PLXNA1: variants seen among roughly 807,000 people sequenced by gnomAD.
PLXNA1 encodes the protein plexin A1, also known as plexin-A1.
PLXNA1 carries 77 observed loss-of-function variants against 191.7 expected under a neutral mutation model. That is an observed-to-expected ratio of 0.40 (90% CI 0.33 to 0.49). The LOEUF (loss-of-function observed/expected upper bound fraction) is 0.49. Ranked by LOEUF, PLXNA1 falls within the 20% of genes least tolerant of loss-of-function variation. The pLI is 0.63. For synonymous variants in PLXNA1, 1,137 were observed against 1,156.4 expected (o/e 0.98, Z 0.34); for missense variants, 2,110 against 2,660.2 (o/e 0.79, Z 4.55).
chr3:126,996,591 G>C (rs1476107229), intron 3 of PLXNA1, among the ~76,000 whole-genome samples: 2 of 152,132 alleles, frequency 1.3e-5, no homozygotes, highest in South Asian at 2.1e-4. Context: ...GCTGGAGCTG[G>C]GGGGGCAAGA....
intron 1 of PLXNA1, among the ~76,000 whole-genome samples, chr3:126,984,248 A>G (rs1046990540): frequency 5.3e-5 from 8 of 152,122 alleles, no homozygotes; most frequent in Non-Finnish European, 1.0e-4. Flanking sequence ...GATCTGCCCC[A>G]GGCTCCTGTG....
At position 127,007,867 on chromosome 3, in the gene PLXNA1, A is replaced by G. The variant is rs758531850; in HGVS notation, c.2066A>G (p.Asn689Ser). 3 of 1,612,382 alleles carry G rather than the reference A, an allele frequency of 1.9e-6. No individual in the cohort carries two copies. Among genetic ancestry groups the G allele is most frequent in the Admixed American group, 1.7e-5 (1 of 59,916 alleles). The change falls in exon 9 of 32, where the codon AAC becomes AGC. Residue 689 changes from asparagine (N) to serine (S), a missense_variant. This residue lies in a region of PLXNA1 where 903 missense variants were observed against 1,015.7 expected (regional missense o/e 0.89). Transcript: ENST00000393409. Reference sequence around the variant, plus strand: ...AAATACCGCCACGTGTGCACACACAACGTGGCTGACTGCGCCTTCCTGGAG... The same window carrying G: ...AAATACCGCCACGTGTGCACACACAGCGTGGCTGACTGCGCCTTCCTGGAG... The part of the protein sequence containing the change: ...WCKYRHVCTH[N>S]VADCAFLEGR...
intron 22 of PLXNA1, 48 bp downstream of exon 22, chr3:127,022,389 A>G: frequency 6.3e-7 from 1 of 1,584,168 alleles, no homozygotes; most frequent in South Asian, 1.1e-5. Context: ...CCATGCCTCC[A>G]GCTTTGGACA....
At position 127,001,519 on chromosome 3, in the gene PLXNA1, G is replaced by A. The variant is rs574006688; in HGVS notation, c.1378-1811G>A. ...GGCTTCACAGCGGGAAGCCGCTGGG[G>A]ATATCCACAGGACTGTGAGGATGGA... On this transcript the variant is annotated intron_variant, in intron 3 of 31. Coordinates refer to ENST00000393409, the MANE Select transcript of PLXNA1 (RefSeq NM_032242.4). Among the ~76,000 whole-genome samples the A allele has an allele frequency of 7.2e-5, 11 of 152,342 alleles. 1 individual carries two copies. The South Asian group carries it at 2.3e-3, about 32-fold the overall frequency.
At chr3:127,020,445 G>T (rs1654068619) in intron 21 of PLXNA1, 101 bp downstream of exon 21, 5 of 1,443,618 alleles carry the variant, frequency 3.5e-6, no homozygotes, top group Non-Finnish European at 4.7e-6. Flanking sequence ...GGGGCAGCCT[G>T]TGTGGCCTGG....
At chr3:127,011,020 G>GC (rs949227569) in intron 9 of PLXNA1, among the ~76,000 whole-genome samples, 2 of 152,184 alleles carry the variant, frequency 1.3e-5, no homozygotes, top group African/African-American at 4.8e-5. Flanking sequence ...GCCCACGGTG[G>GC]CCCGTGTCAC....
rs200818881 is a variant in PLXNA1, at chr3:127,017,441, A to G, written c.3293A>G (p.Asn1098Ser). The part of the protein sequence containing the change: ...IERENGCLVY[N>S]DTTMVCRAPS... ...TGTCTCCAGGGCTGCCTGGTGTACA[A>G]TGACACCACCATGGTATGCCGCGCC... is the stretch of plus-strand genomic sequence containing the variant. The change falls in exon 18 of 32, where the codon AAT becomes AGT. Residue 1098 changes from asparagine (N) to serine (S), a missense_variant. By Grantham distance (46) the Asn-to-Ser change is conservative. Coordinates refer to ENST00000393409, the MANE Select transcript of PLXNA1 (RefSeq NM_032242.4). The G allele has an allele frequency of 2.3e-4, 375 of 1,612,758 alleles. 13 individuals are homozygous for G. The Admixed American group carries it at 6.0e-3, about 26-fold the overall frequency.
At chr3:126,984,985 G>T (rs1396027357) in intron 1 of PLXNA1, among the ~76,000 whole-genome samples, 1 of 152,176 alleles carries the variant, frequency 6.6e-6, no homozygotes. Context: ...CATGACCCCC[G>T]TTGTGGGGGA....
chr3:127,006,329 G>A (rs181483891), intron 8 of PLXNA1, 151 bp downstream of exon 8: 2 of 684,118 alleles, frequency 2.9e-6, no homozygotes, highest in East Asian at 5.5e-5. Flanking sequence ...CCTGAGGCTG[G>A]GCGGTCAGGG....
At chr3:127,002,044 G>A (rs984122927) in intron 3 of PLXNA1, among the ~76,000 whole-genome samples, 4 of 152,240 alleles carry the variant, frequency 2.6e-5, no homozygotes, top group Non-Finnish European at 4.4e-5. Context: ...AGGCAGGCAC[G>A]GGTGCACTTG....
At chr3:126,987,307 A>T (rs1447618427) in intron 1 of PLXNA1, among the ~76,000 whole-genome samples, 1 of 152,192 alleles carries the variant, frequency 6.6e-6, no homozygotes, top group African/African-American at 2.4e-5. Flanking sequence ...TTCCAGAGGC[A>T]GTGGAGGCCA....
intron 3 of PLXNA1, among the ~76,000 whole-genome samples, chr3:126,997,987 A>G (rs2079022378): frequency 6.6e-6 from 1 of 152,202 alleles, no homozygotes; most frequent in Non-Finnish European, 1.5e-5. Flanking sequence ...CCACAGGCAC[A>G]TGGGGCCTGT....
intron 3 of PLXNA1, among the ~76,000 whole-genome samples, chr3:127,002,892 A>G (rs987113632): frequency 6.6e-6 from 1 of 151,948 alleles, no homozygotes; most frequent in African/African-American, 2.4e-5. Context: ...CCACTGCCCT[A>G]GACTTCCTGT....
rs150097431 is a variant in PLXNA1 at position 126,987,547 on chromosome 3, G to A, written c.-73-974G>A. On this transcript the variant is annotated intron_variant, in intron 1 of 31. Coordinates refer to ENST00000393409, the MANE Select transcript of PLXNA1 (RefSeq NM_032242.4). ...CCAGGAAGTGAGGGCCCGATGTGGAGCAAGGCAGGAGGGGGCCACACAGGT... is the reference window on the plus strand; with the variant it reads ...CCAGGAAGTGAGGGCCCGATGTGGAACAAGGCAGGAGGGGGCCACACAGGT... Among the ~76,000 whole-genome samples the A allele has an allele frequency of 1.5e-4, 23 of 152,316 alleles. No individual in the cohort carries two copies. The East Asian group carries it at 4.2e-3, about 28-fold the overall frequency.
intron 15 of PLXNA1, 68 bp from the exon 16 acceptor site, chr3:127,016,449 T>C: frequency 1.4e-6 from 2 of 1,428,094 alleles, no homozygotes; most frequent in Non-Finnish European, 2.0e-6. Flanking sequence ...CGTCCCTCAA[T>C]GCATCTGCAT....
intron 3 of PLXNA1, among the ~76,000 whole-genome samples, chr3:127,001,560 C>T (rs999911080): frequency 6.6e-6 from 1 of 152,170 alleles, no homozygotes; most frequent in Non-Finnish European, 1.5e-5. Flanking sequence ...TGAGAGGAAT[C>T]GTGGTCCCTA....
At chr3:127,018,075 T>A (rs1002455318) in intron 19 of PLXNA1, among the ~76,000 whole-genome samples, 183 bp downstream of exon 19, 1 of 151,562 alleles carries the variant, frequency 6.6e-6, no homozygotes, top group African/African-American at 2.4e-5. Context: ...CCCCCGAGAC[T>A]GCCTACCCAC....
chr3:127,021,771 G>A (rs922032139), intron 21 of PLXNA1, among the ~76,000 whole-genome samples: 1 of 152,168 alleles, frequency 6.6e-6, no homozygotes, highest in Non-Finnish European at 1.5e-5. Context: ...GCACCCAGCC[G>A]CACTCGTAAC....
At position 127,037,301 on chromosome 3, in the gene PLXNA1, T is replaced by C. The variant is rs557102193; in HGVS notation, c.*3284T>C. The C allele has an allele frequency of 2.0e-5, 3 of 152,780 alleles. No homozygotes were observed. The highest frequency in any genetic ancestry group is 4.8e-5 in the African/African-American group (2 of 41,590). The allele number at this position is 152,780 out of a possible 1,614,324, so 9.5% of individuals were successfully genotyped here. The stretch of plus-strand genomic sequence containing the variant: ...GGCCCGGCCCTCAGATGTGTACATA[T>C]ACGGCTATTTCCTATTTTACTGTTC... On this transcript the variant is annotated 3_prime_UTR_variant, in exon 32 of 32. Coordinates refer to ENST00000393409, the MANE Select transcript of PLXNA1 (RefSeq NM_032242.4).
Sources: gnomAD v4.1 joint callset for allele counts (sites outside exome capture counted in the v4.1 genomes callset) on GRCh38, gnomAD v4.1.1 for gene constraint, gnomAD v4.1.1 regional missense constraint, MANE v1.5 for transcripts, NCBI Gene and HGNC (gene_info 2026-07-23, HGNC 2026-07-21) for gene names.